TAFA2: variants seen among roughly 807,000 people sequenced by gnomAD.
TAFA2 encodes TAFA chemokine like family member 2.
A neutral mutation model predicts 18.8 loss-of-function variants in TAFA2; 7 were observed. That is an observed-to-expected ratio of 0.37 (90% confidence interval 0.21 to 0.70). The LOEUF is 0.70. TAFA2 is among the 30% of genes least tolerant of loss of function. The probability of loss-of-function intolerance (pLI) is 0.53; values close to 1 mark genes in which losing one functional copy is unlikely to be tolerated. For missense variants in TAFA2, 122 were observed against 158.1 expected (o/e 0.77, Z 1.23); for synonymous variants, 60 against 54.2 (o/e 1.11, Z -0.47).
chr12:62,114,252 C>T (rs1461192439), intron 1 of TAFA2, among the ~76,000 whole-genome samples: 1 of 152,166 alleles, frequency 6.6e-6, no homozygotes, highest in Non-Finnish European at 1.5e-5. Flanking sequence ...AGGGAGTTCC[C>T]TGACCCCTTG....
intron 2 of TAFA2, among the ~76,000 whole-genome samples, chr12:61,865,233 T>C (rs1874303728): frequency 6.6e-6 from 1 of 152,208 alleles, no homozygotes; most frequent in African/African-American, 2.4e-5. Flanking sequence ...CAAAGGGGTC[T>C]CCAAAGTCTG....
intron 1 of TAFA2, among the ~76,000 whole-genome samples, chr12:61,888,786 G>A (rs893604894): frequency 3.9e-5 from 6 of 152,212 alleles, no homozygotes; most frequent in Non-Finnish European, 8.8e-5. Context: ...GGACTGACAT[G>A]TGGTAATTGC....
chr12:62,070,461 T>A (rs749678692), intron 1 of TAFA2: 1 of 152,176 alleles, frequency 6.6e-6, no homozygotes, highest in Non-Finnish European at 1.5e-5. Context: ...AAGACTTTTG[T>A]TAGCAGCTCT....
intron 1 of TAFA2, among the ~76,000 whole-genome samples, chr12:62,171,402 C>T (rs187709724): frequency 2.8e-4 from 43 of 152,258 alleles, no homozygotes; most frequent in Admixed American, 1.1e-3. Flanking sequence ...AGCAAAGTTG[C>T]AGCAATAACA....
At chr12:61,844,179 C>G (rs1044804140) in intron 2 of TAFA2, among the ~76,000 whole-genome samples, 2 of 152,128 alleles carry the variant, frequency 1.3e-5, no homozygotes, top group South Asian at 4.1e-4. Flanking sequence ...CCACATTAAA[C>G]TATTTCAACA....
At chr12:61,812,353 C>A (rs980475924) in intron 2 of TAFA2, among the ~76,000 whole-genome samples, 1 of 151,476 alleles carries the variant, frequency 6.6e-6, no homozygotes, top group Non-Finnish European at 1.5e-5. Flanking sequence ...CTGATTGTAT[C>A]TGGCCCATGC....
intron 2 of TAFA2, among the ~76,000 whole-genome samples, chr12:61,759,234 T>G (rs1869420231): frequency 6.6e-6 from 1 of 152,082 alleles, no homozygotes; most frequent in Non-Finnish European, 1.5e-5. Context: ...CATTCACTAG[T>G]CCTGTTGACC....
In TAFA2 at chr12:62,059,139, ATG is replaced by A. The variant is rs374882700; in HGVS notation, c.-2+132118_-2+132119del. Reference sequence around the variant, plus strand: ...TAATAATATATATATATGTGTGTATATGTGTGTGTGTGTGTGTGTGTGTGTGT... The same window carrying A: ...TAATAATATATATATATGTGTGTATATGTGTGTGTGTGTGTGTGTGTGTGT... On this transcript the variant is annotated intron_variant, in intron 1 of 4. Transcript: ENST00000416284. 2.2e-3 allele frequency among the ~76,000 whole-genome samples: 295 copies of A among 136,286 alleles called. 1 individual carries two copies. Among genetic ancestry groups the A allele is most frequent in the East Asian group, 7.1e-3 (33 of 4,668 alleles). The allele number at this position is 136,286 out of a possible 152,430, so 89.4% of individuals were successfully genotyped here. A position where few individuals can be genotyped will look rare whatever the true frequency, so the allele number is the denominator to read the frequency against.
intron 1 of TAFA2, among the ~76,000 whole-genome samples, chr12:61,990,624 C>CCACCGT (rs201263563): frequency 1.1e-4 from 17 of 151,380 alleles, no homozygotes; most frequent in Admixed American, 5.3e-4. Flanking sequence ...CAGGCATGAG[C>CCACCGT]GCCCGGCCCA....
chr12:61,967,882 G>C (rs1298582343), intron 1 of TAFA2, among the ~76,000 whole-genome samples: 1 of 151,810 alleles, frequency 6.6e-6, no homozygotes, highest in Non-Finnish European at 1.5e-5. Context: ...AGTCCAGATA[G>C]GACAGACACA....
At chr12:62,059,549 G>C (rs1464721265) in intron 1 of TAFA2, among the ~76,000 whole-genome samples, 1 of 151,958 alleles carries the variant, frequency 6.6e-6, no homozygotes, top group East Asian at 1.9e-4. Flanking sequence ...GGCGGGGCGG[G>C]GGGTTGCTGT....
At chr12:61,793,393 A>G (rs1871061975) in intron 2 of TAFA2, among the ~76,000 whole-genome samples, 1 of 151,550 alleles carries the variant, frequency 6.6e-6, no homozygotes, top group Non-Finnish European at 1.5e-5. Flanking sequence ...AGAAGAAAAA[A>G]AAAACTCCAT....
At chr12:61,982,727 C>T (rs1879679542) in intron 1 of TAFA2, among the ~76,000 whole-genome samples, 3 of 152,010 alleles carry the variant, frequency 2.0e-5, no homozygotes, top group Admixed American at 2.0e-4. Context: ...AGATCATCCT[C>T]AAACATATTC....
intron 1 of TAFA2, among the ~76,000 whole-genome samples, chr12:61,903,023 G>A (rs1876178374): frequency 6.6e-6 from 1 of 151,962 alleles, no homozygotes; most frequent in African/African-American, 2.4e-5. Flanking sequence ...GCCCAACGCT[G>A]ACCTTCACTT....
chr12:61,941,723 C>A (rs941263303), intron 1 of TAFA2, among the ~76,000 whole-genome samples: 1 of 152,204 alleles, frequency 6.6e-6, no homozygotes, highest in African/African-American at 2.4e-5. Context: ...TCACTCCCAC[C>A]CGAATATTGC....
rs1255046664 is a variant in TAFA2, at chr12:62,120,633, CT to C, written c.-2+70625del. On this transcript the variant is annotated intron_variant, in intron 1 of 4. Coordinates refer to ENST00000416284, the MANE Select transcript of TAFA2 (RefSeq NM_178539.5). ...AACTCCAGCCTACTCAGTTACTTGG[CT>C]TTAGGTTTCCAGCTGACCCAACAGC... 2.0e-5 allele frequency among the ~76,000 whole-genome samples: 3 copies of C among 152,216 alleles called. No homozygotes were observed. The East Asian group carries it at 5.8e-4, about 29-fold the overall frequency.
At chr12:62,147,591 A>G (rs1275350014) in intron 1 of TAFA2, among the ~76,000 whole-genome samples, 18 of 150,456 alleles carry the variant, frequency 1.2e-4, no homozygotes, top group Admixed American at 4.0e-4. Flanking sequence ...TTAGCCAGGC[A>G]CGGTGGCGGG....
intron 4 of TAFA2, among the ~76,000 whole-genome samples, chr12:61,724,751 A>ATG (rs71083953): frequency 0.047 from 5,396 of 114,588 alleles, 165 homozygotes; most frequent in Admixed American, 0.084. Flanking sequence ...TGGTATGTCT[A>ATG]TGTGTGTGTG....
At chr12:61,988,375 T>C (rs1879887532) in intron 1 of TAFA2, among the ~76,000 whole-genome samples, 1 of 152,056 alleles carries the variant, frequency 6.6e-6, no homozygotes, top group South Asian at 2.1e-4. Context: ...ATACATAAAA[T>C]AGTTAATAAT....
Sources: allele counts gnomAD v4.1 joint callset (sites outside exome capture counted in the v4.1 genomes callset), GRCh38; gene constraint gnomAD v4.1.1; transcripts MANE v1.5; gene names NCBI Gene and HGNC (gene_info 2026-07-23, HGNC 2026-07-21).